Variants in PRKG1 observed in about 807,000 individuals in gnomAD.
PRKG1 encodes the protein protein kinase cGMP-dependent 1.
A neutral mutation model predicts 88.1 loss-of-function variants in PRKG1; 35 were observed. The observed-to-expected ratio is 0.40, with a 90% confidence interval of 0.30 to 0.53. The LOEUF (loss-of-function observed/expected upper bound fraction) is 0.53. Among genes scored for constraint, PRKG1 ranks in the 20% least tolerant of loss-of-function variants. PRKG1 has a pLI of 0.59. For synonymous variants in PRKG1, 303 were observed against 292.5 expected, an observed-to-expected ratio of 1.04 and a Z score of -0.37; for missense variants, 540 against 839.8, an observed-to-expected ratio of 0.64 and a Z score of 4.41.
At chr10:51,017,720 C>A (rs1275735088) in intron 1 of PRKG1, among the ~76,000 whole-genome samples, 3 of 151,988 alleles carry the variant, frequency 2.0e-5, no homozygotes, top group South Asian at 2.1e-4. Context: ...CATTTTAAAT[C>A]ATCATTTTTA....
At chr10:51,055,622 C>T (rs1358107362) in intron 1 of PRKG1, among the ~76,000 whole-genome samples, 2 of 151,508 alleles carry the variant, frequency 1.3e-5, no homozygotes, top group African/African-American at 4.9e-5. Flanking sequence ...GCCTATAGTC[C>T]CAGCTACTCG....
At chr10:52,123,856 C>T (rs1313809477) in intron 7 of PRKG1, among the ~76,000 whole-genome samples, 1 of 152,014 alleles carries the variant, frequency 6.6e-6, no homozygotes, top group Non-Finnish European at 1.5e-5. Flanking sequence ...AAAATAAATC[C>T]TTAGAACTAC....
chr10:51,453,127 T>G (rs1463170789), intron 2 of PRKG1, among the ~76,000 whole-genome samples: 1 of 151,978 alleles, frequency 6.6e-6, no homozygotes, highest in African/African-American at 2.4e-5. Context: ...TCTGTGGTAT[T>G]GGTTATAATA....
At chr10:51,188,470 T>C (rs972485407) in intron 2 of PRKG1, among the ~76,000 whole-genome samples, 4 of 152,020 alleles carry the variant, frequency 2.6e-5, no homozygotes, top group Non-Finnish European at 5.9e-5. Flanking sequence ...TTAATGATCA[T>C]GTATCATGTT....
chr10:51,323,399 C>T (rs1361021107), intron 2 of PRKG1, among the ~76,000 whole-genome samples: 1 of 152,112 alleles, frequency 6.6e-6, no homozygotes, highest in Admixed American at 6.5e-5. Flanking sequence ...GTGTAAGCTC[C>T]AGAATTAGAT....
At chr10:51,170,114 A>G (rs1042010003) in intron 2 of PRKG1, among the ~76,000 whole-genome samples, 2 of 152,018 alleles carry the variant, frequency 1.3e-5, no homozygotes, top group African/African-American at 2.4e-5. Context: ...GTTCCTCTCT[A>G]TAAGCACACT....
At chr10:51,400,509 T>G (rs293236) in intron 2 of PRKG1, among the ~76,000 whole-genome samples, 126,496 of 152,180 alleles carry the variant, frequency 0.83, 53,046 homozygotes, top group African/African-American at 0.88. Context: ...AACTCCAGGG[T>G]ATTTTAGAGC....
chr10:51,387,794 C>A (rs908360229), intron 2 of PRKG1, among the ~76,000 whole-genome samples: 17 of 152,122 alleles, frequency 1.1e-4, no homozygotes, highest in African/African-American at 4.1e-4. Context: ...CCTTCTCCTC[C>A]ATTATGTTCT....
intron 2 of PRKG1, among the ~76,000 whole-genome samples, chr10:51,320,826 T>C (rs1841435973): frequency 6.6e-6 from 1 of 152,226 alleles, no homozygotes; most frequent in African/African-American, 2.4e-5. Flanking sequence ...TACTTGGGAA[T>C]TACTCTTTTA....
At chr10:51,802,160 A>G (rs922277712) in intron 3 of PRKG1, among the ~76,000 whole-genome samples, 1 of 152,156 alleles carries the variant, frequency 6.6e-6, no homozygotes. Context: ...TCACAACTCT[A>G]ATATAACCAT....
intron 5 of PRKG1, among the ~76,000 whole-genome samples, chr10:51,956,467 C>G (rs1199692546): frequency 6.6e-6 from 1 of 151,870 alleles, no homozygotes; most frequent in Non-Finnish European, 1.5e-5. Flanking sequence ...AGAATCTGCC[C>G]AATTGATACT....
At chr10:52,253,655 T>A (rs528516781) in intron 10 of PRKG1, among the ~76,000 whole-genome samples, 2 of 151,882 alleles carry the variant, frequency 1.3e-5, no homozygotes, top group East Asian at 3.9e-4. Flanking sequence ...ATAATCTCCA[T>A]CCCCAGAGAA....
chr10:51,860,161 T>A (rs56273730), intron 4 of PRKG1, among the ~76,000 whole-genome samples: 6,151 of 152,264 alleles, frequency 0.04, 421 homozygotes, highest in African/African-American at 0.14. Flanking sequence ...GGGGTTTGAA[T>A]AGGTGTGCTC....
chr10:51,457,007 C>T (rs1461693919), intron 2 of PRKG1, among the ~76,000 whole-genome samples: 1 of 152,118 alleles, frequency 6.6e-6, no homozygotes, highest in African/African-American at 2.4e-5. Context: ...ACTAGTATAA[C>T]CCCTATGGAA....
chr10:51,122,090 A>T (rs533993612), intron 1 of PRKG1, among the ~76,000 whole-genome samples: 1 of 152,266 alleles, frequency 6.6e-6, no homozygotes, highest in Admixed American at 6.5e-5. Flanking sequence ...CCTTAGGAAC[A>T]TCTGTTGCCT....
At chr10:51,224,380 T>G (rs1838632995) in intron 2 of PRKG1, among the ~76,000 whole-genome samples, 2 of 152,226 alleles carry the variant, frequency 1.3e-5, no homozygotes, top group South Asian at 4.1e-4. Context: ...TTCAGCCTTG[T>G]TCCCATCCTA....
At chr10:51,535,708 G>A (rs558534377) in intron 3 of PRKG1, among the ~76,000 whole-genome samples, 1 of 146,630 alleles carries the variant, frequency 6.8e-6, no homozygotes, top group South Asian at 2.2e-4. Context: ...TAAAAAGAAA[G>A]GGTTTTGAAA....
At chr10:52,274,270 C>T (rs568357837) in intron 12 of PRKG1, among the ~76,000 whole-genome samples, 3 of 147,598 alleles carry the variant, frequency 2.0e-5, no homozygotes, top group Non-Finnish European at 3.0e-5. Context: ...CTATCCCTCA[C>T]CCCCCTCCGA....
chr10:51,519,689 G>T (rs1238425742), intron 3 of PRKG1, among the ~76,000 whole-genome samples: 2 of 152,024 alleles, frequency 1.3e-5, no homozygotes, highest in Non-Finnish European at 2.9e-5. Context: ...TCTTAAGTAT[G>T]ATCTCATCCC....
Sources: allele counts gnomAD v4.1 joint callset (sites outside exome capture counted in the v4.1 genomes callset), GRCh38; gene constraint gnomAD v4.1.1; transcripts MANE v1.5; gene names NCBI Gene and HGNC (gene_info 2026-07-23, HGNC 2026-07-21).